NHSL1: variants seen among roughly 807,000 people sequenced by gnomAD.
The protein encoded by NHSL1 is NHS-like protein 1.
In NHSL1, 48 loss-of-function variants were observed where a neutral mutation model predicts 95.0. That is an observed-to-expected ratio of 0.51 (90% confidence interval 0.40 to 0.64). The LOEUF (loss-of-function observed/expected upper bound fraction) is 0.64. Among genes scored for constraint, NHSL1 ranks in the 30% least tolerant of loss-of-function variants. NHSL1 has a pLI of 0.00. For synonymous variants in NHSL1, 783 were observed against 833.9 expected (o/e 0.94, Z 1.05); for missense variants, 1,971 against 2,077.7 (o/e 0.95, Z 1.00).
chr6:138,644,603 T>G (rs1784993922), intron 1 of NHSL1, among the ~76,000 whole-genome samples: 1 of 152,160 alleles, frequency 6.6e-6, no homozygotes, highest in Non-Finnish European at 1.5e-5. Flanking sequence ...AAAACCACCT[T>G]TTCAAAAAAG....
At chr6:138,498,373 C>T (rs7746234) in intron 1 of NHSL1, among the ~76,000 whole-genome samples, 80,091 of 151,884 alleles carry the variant, frequency 0.53, 21,376 homozygotes, top group Middle Eastern at 0.6. Context: ...TCCTCACTCT[C>T]GCCAGGGCCA....
At position 138,569,989 on chromosome 6, in the gene NHSL1, C is replaced by T. The variant is rs1393489954; in HGVS notation, c.202+1721G>A. ...GGATAAAGGGCACAATCTTTTGTATCGCTACGTAAGCAAGTCCTCCCTTCA... is the reference window on the plus strand; with the variant it reads ...GGATAAAGGGCACAATCTTTTGTATTGCTACGTAAGCAAGTCCTCCCTTCA... On this transcript the variant is annotated intron_variant, in intron 1 of 6. Coordinates refer to the NHSL1 transcript ENST00000427025. 2.6e-5 allele frequency among the ~76,000 whole-genome samples: 4 copies of T among 152,202 alleles called. No homozygotes were observed. In the East Asian group the frequency reaches 5.8e-4, roughly 22 times the overall value.
intron 1 of NHSL1, among the ~76,000 whole-genome samples, chr6:138,616,632 G>A (rs571680393): frequency 1.3e-5 from 2 of 152,160 alleles, no homozygotes; most frequent in Non-Finnish European, 2.9e-5. Context: ...CATTTAGCAC[G>A]TGTAGGGGTG....
chr6:138,436,202 G>A lies in NHSL1; in HGVS notation c.665-2522C>T, dbSNP rs374229458. ...TGATTAAGCTTAGTGAGGAAGGCAT[G>A]TCAAAAGCTAAGATAGGCCAAAAGC... is the stretch of plus-strand genomic sequence containing the variant. On this transcript the variant is annotated intron_variant, in intron 5 of 7. Transcript: ENST00000343505. Among the ~76,000 whole-genome samples, 262 of 152,340 alleles carry A rather than the reference G, an allele frequency of 1.7e-3. 2 individuals carry two copies. The highest frequency in any genetic ancestry group is 6.0e-3 in the African/African-American group (250 of 41,574).
chr6:138,493,936 A>T (rs1780210345), intron 2 of NHSL1, among the ~76,000 whole-genome samples: 1 of 152,220 alleles, frequency 6.6e-6, no homozygotes, highest in African/African-American at 2.4e-5. Flanking sequence ...CTAAAGACAG[A>T]GGTTACTCAG....
At position 138,587,329 on chromosome 6, in the gene NHSL1, C is replaced by T. The variant is rs527985615; in HGVS notation, c.97-90958G>A. On this transcript the variant is annotated intron_variant, in intron 1 of 3. Coordinates refer to the NHSL1 transcript ENST00000491526. ...TGGAGCAGTGGCTCACACCTGTAAT[C>T]TCAGCACTTTGGGAAGCTGAAGTGG... Among the ~76,000 whole-genome samples the T allele has an allele frequency of 5.9e-5, 9 of 151,742 alleles. No homozygotes were observed. The South Asian group carries it at 1.9e-3, about 32-fold the overall frequency.
intron 2 of NHSL1, among the ~76,000 whole-genome samples, chr6:138,489,825 GGAGAGAGAGAGA>G (rs1252989861): frequency 2.6e-5 from 2 of 76,204 alleles, no homozygotes; most frequent in African/African-American, 5.7e-5. Flanking sequence ...AGGGAGAGAG[GGAGAGAGAGAGA>G]GAGAGAGGGA....
chr6:138,514,820 G>A lies in NHSL1; in HGVS notation c.17-18449C>T, dbSNP rs1781391542. Among the ~76,000 whole-genome samples the A allele has an allele frequency of 2.0e-5, 3 of 152,186 alleles. No individual in the cohort carries two copies. In the South Asian group the frequency reaches 6.2e-4, roughly 32 times the overall value. On this transcript the variant is annotated intron_variant, in intron 1 of 4. Coordinates refer to the NHSL1 transcript ENST00000342260. ...CACCTGTGGTTCCAGCTACTCGGGA[G>A]GCTGAAGTGGGAGGATAGCTTGAGC...
At chr6:138,623,917 C>T (rs754021680) in intron 1 of NHSL1, among the ~76,000 whole-genome samples, 14 of 152,124 alleles carry the variant, frequency 9.2e-5, no homozygotes, top group Admixed American at 2.0e-4. Flanking sequence ...TGGCATTTCC[C>T]CTGCTTGCAT....
Position 138,432,735 on chromosome 6 carries a change from C to T in NHSL1, c.1610G>A (p.Ser537Asn), listed in dbSNP as rs918318023. The change falls in exon 6 of 8, where the codon AGT (serine) becomes AAT (asparagine). Residue 537 changes from serine to asparagine, a missense_variant. Around this residue, in one of 3 missense-constraint regions of NHSL1, gnomAD observed 1,602 missense variants for 1,654.5 expected, o/e 0.97. Coordinates refer to ENST00000343505, the MANE Select transcript of NHSL1 (RefSeq NM_001144060.2). This position sits in a 1 kb window ranked among gnomAD's most constrained non-coding sequence, Gnocchi z 4.4. ...TCCGCCCCCTGAATAACTAGATTCA[C>T]TCTTGCCATCCACATCTTGGGGGTG... ...PAHPQDVDGK[S>N]ESSYSGGGGH... The T allele has an allele frequency of 3.2e-6, 5 of 1,551,580 alleles. No homozygotes were observed. The highest frequency in any genetic ancestry group is 3.5e-6 in the Non-Finnish European group (4 of 1,146,964).
intron 1 of NHSL1, among the ~76,000 whole-genome samples, chr6:138,508,752 T>A (rs1463873351): frequency 6.6e-6 from 1 of 152,260 alleles, no homozygotes; most frequent in African/African-American, 2.4e-5. Flanking sequence ...TTAACCTTTC[T>A]TAAGAAGCAT....
intron 1 of NHSL1, among the ~76,000 whole-genome samples, chr6:138,567,213 G>A (rs1269832927): frequency 1.3e-5 from 2 of 149,020 alleles, no homozygotes; most frequent in Non-Finnish European, 3.0e-5. Context: ...CTGCAGACTC[G>A]ACCTCCCAGG....
chr6:138,566,227 G>A lies in NHSL1; in HGVS notation c.202+5483C>T, dbSNP rs555152881. On this transcript the variant is annotated intron_variant, in intron 1 of 6. Transcript: ENST00000427025. Reference sequence around the variant, plus strand: ...AGCCTGGCCAACATGGTGAAACCCCGTCTCTACTAAAAATATAAAAATTAG... The same window carrying A: ...AGCCTGGCCAACATGGTGAAACCCCATCTCTACTAAAAATATAAAAATTAG... 4.6e-5 allele frequency among the ~76,000 whole-genome samples: 7 copies of A among 151,848 alleles called. No homozygotes were observed. The South Asian group carries it at 1.2e-3, about 27-fold the overall frequency.
chr6:138,520,230 G>A (rs1429867840), intron 1 of NHSL1, among the ~76,000 whole-genome samples: 4 of 150,148 alleles, frequency 2.7e-5, no homozygotes, highest in African/African-American at 9.8e-5. Flanking sequence ...TTCAAAATTG[G>A]ACACAGTTCT....
At chr6:138,497,464 G>A (rs56663669) in intron 1 of NHSL1, among the ~76,000 whole-genome samples, 9,654 of 152,122 alleles carry the variant, frequency 0.063, 688 homozygotes, top group African/African-American at 0.18. Context: ...CACACTGGGC[G>A]TATCCATGTC....
intron 1 of NHSL1, among the ~76,000 whole-genome samples, chr6:138,558,227 A>G (rs184700328): frequency 8.0e-4 from 122 of 151,732 alleles, no homozygotes; most frequent in African/African-American, 2.9e-3. Context: ...GATTCAAGCA[A>G]TTCTCCTGCC....
chr6:138,639,886 CT>C (rs35629338), intron 1 of NHSL1, among the ~76,000 whole-genome samples: 8,420 of 123,084 alleles, frequency 0.068, 269 homozygotes, highest in South Asian at 0.089. Flanking sequence ...CAAATTTTAG[CT>C]TTTTTTTTTT....
chr6:138,512,770 TG>T (rs1309822354), intron 1 of NHSL1, among the ~76,000 whole-genome samples: 1 of 152,214 alleles, frequency 6.6e-6, no homozygotes, highest in Non-Finnish European at 1.5e-5. Context: ...TTTCAGCCCT[TG>T]CCTGCAAATT....
chr6:138,543,998 T>A (rs1402346420), intron 1 of NHSL1, among the ~76,000 whole-genome samples: 1 of 152,174 alleles, frequency 6.6e-6, no homozygotes, highest in African/African-American at 2.4e-5. Flanking sequence ...CCACAGAAAC[T>A]AAGAGTCCAA....
Sources: gnomAD v4.1 joint callset for allele counts (sites outside exome capture counted in the v4.1 genomes callset) on GRCh38, gnomAD v4.1.1 for gene constraint, gnomAD v4.1.1 regional missense constraint, Gnocchi (gnomAD v3.1) non-coding constraint, MANE v1.5 for transcripts, NCBI Gene and HGNC (gene_info 2026-07-23, HGNC 2026-07-21) for gene names.